The following CADPS variants were observed in gnomAD, a reference collection of about 807,000 sequenced individuals.
CADPS encodes calcium dependent secretion activator, also known as calcium-dependent secretion activator 1.
CADPS carries 57 observed loss-of-function variants against 167.3 expected under a neutral mutation model. That is an observed-to-expected ratio of 0.34 (90% CI 0.28 to 0.42). The LOEUF (loss-of-function observed/expected upper bound fraction) is 0.42. CADPS is among the 20% of genes least tolerant of loss of function. The pLI, the probability that CADPS is intolerant of heterozygous loss-of-function variation, is 1.00. For missense variants in CADPS, 1,414 were observed against 1,738.1 expected (o/e 0.81, Z 3.32); for synonymous variants, 676 against 635.3 (o/e 1.06, Z -0.96).
chr3:62,451,550 G>T (rs960733108), intron 26 of CADPS, among the ~76,000 whole-genome samples: 9 of 151,404 alleles, frequency 5.9e-5, no homozygotes, highest in Non-Finnish European at 1.5e-5. Context: ...GAAGAAGAAA[G>T]AAGTCTGAAC....
At chr3:62,515,984 G>A in intron 16 of CADPS, 75 bp downstream of exon 16, 1 of 1,574,966 alleles carries the variant, frequency 6.3e-7, no homozygotes, top group East Asian at 2.3e-5. Flanking sequence ...AGGTGCCCTT[G>A]AGAAAAGAGA....
intron 13 of CADPS, among the ~76,000 whole-genome samples, chr3:62,529,127 C>T (rs923674979): frequency 7.2e-5 from 11 of 152,172 alleles, no homozygotes; most frequent in African/African-American, 2.2e-4. Context: ...TGCCATTGCA[C>T]TCCAGCATGG....
intron 6 of CADPS, among the ~76,000 whole-genome samples, chr3:62,603,453 A>G (rs1026026111): frequency 1.3e-5 from 2 of 152,224 alleles, no homozygotes; most frequent in African/African-American, 2.4e-5. Flanking sequence ...ACTTTCAATA[A>G]ATGCCTATCG....
chr3:62,807,961 C>G (rs887133481), intron 1 of CADPS, among the ~76,000 whole-genome samples: 7 of 152,122 alleles, frequency 4.6e-5, no homozygotes, highest in African/African-American at 1.7e-4. Flanking sequence ...GCAAACTCCA[C>G]CTCCCGGGTT....
At chr3:62,555,097 A>T (rs546007779) in intron 10 of CADPS, among the ~76,000 whole-genome samples, 1 of 152,282 alleles carries the variant, frequency 6.6e-6, no homozygotes, top group South Asian at 2.1e-4. Context: ...TTCCCATGAC[A>T]ACTGAGAGAA....
At chr3:62,850,962 A>G (rs201553033) in intron 1 of CADPS, among the ~76,000 whole-genome samples, 19,950 of 149,988 alleles carry the variant, frequency 0.13, 1,388 homozygotes, top group Admixed American at 0.15. Context: ...GTGCTCCTGT[A>G]TTGGGTGCAT....
intron 3 of CADPS, among the ~76,000 whole-genome samples, chr3:62,713,950 T>TA (rs2083903623): frequency 6.6e-6 from 1 of 152,152 alleles, no homozygotes; most frequent in Non-Finnish European, 1.5e-5. Flanking sequence ...TGCAGCTTTT[T>TA]AAAAAAATTT....
At chr3:62,479,611 C>T (rs1473799550) in intron 22 of CADPS, among the ~76,000 whole-genome samples, 2 of 152,240 alleles carry the variant, frequency 1.3e-5, no homozygotes, top group East Asian at 1.9e-4. Flanking sequence ...AGGGAGCCTA[C>T]GGCCTGGACC....
chr3:62,402,047 T>C (rs950061078), intron 29 of CADPS, among the ~76,000 whole-genome samples: 2 of 152,158 alleles, frequency 1.3e-5, no homozygotes, highest in African/African-American at 2.4e-5. Flanking sequence ...TCTAAGTGTA[T>C]ACATTCGTTT....
intron 26 of CADPS, among the ~76,000 whole-genome samples, chr3:62,452,421 G>A (rs879361410): frequency 6.6e-6 from 1 of 152,194 alleles, no homozygotes. Context: ...CATAAGGCTA[G>A]TGACTATTTT....
chr3:62,491,632 C>A, intron 20 of CADPS, 152 bp from the exon 21 acceptor site: 5 of 609,396 alleles, frequency 8.2e-6, no homozygotes, highest in Middle Eastern at 4.8e-4. Flanking sequence ...CTAAGGAAGC[C>A]AAAAAGAGAA....
At chr3:62,632,367 G>A (rs1185730732) in intron 6 of CADPS, among the ~76,000 whole-genome samples, 1 of 152,056 alleles carries the variant, frequency 6.6e-6, no homozygotes, top group Non-Finnish European at 1.5e-5. Context: ...TAAAAATGTA[G>A]CCAATAATAA....
intron 1 of CADPS, among the ~76,000 whole-genome samples, chr3:62,790,040 G>A (rs148659026): frequency 5.3e-4 from 81 of 152,034 alleles, no homozygotes; most frequent in Non-Finnish European, 9.9e-4. Flanking sequence ...CTTTTTGGAG[G>A]AAAATTTGCA....
chr3:62,704,480 C>G (rs2081985331), intron 3 of CADPS, among the ~76,000 whole-genome samples: 1 of 152,118 alleles, frequency 6.6e-6, no homozygotes, highest in African/African-American at 2.4e-5. Context: ...CAATGGGGCT[C>G]TATTTACTTC....
intron 1 of CADPS, among the ~76,000 whole-genome samples, chr3:62,774,338 AC>A (rs1317085464): frequency 6.6e-6 from 1 of 152,034 alleles, no homozygotes; most frequent in Non-Finnish European, 1.5e-5. Context: ...AAAAAAAAAA[AC>A]GTACTTTTCC....
At chr3:62,839,718 G>C (rs970581111) in intron 1 of CADPS, among the ~76,000 whole-genome samples, 1 of 152,178 alleles carries the variant, frequency 6.6e-6, no homozygotes, top group African/African-American at 2.4e-5. Context: ...CTGTGAAGTC[G>C]ACAAATAGAG....
chr3:62,838,459 G>A (rs1373627273), intron 1 of CADPS, among the ~76,000 whole-genome samples: 1 of 152,132 alleles, frequency 6.6e-6, no homozygotes, highest in Non-Finnish European at 1.5e-5. Flanking sequence ...AGTTCTCAAA[G>A]GATTCTTACA....
intron 3 of CADPS, among the ~76,000 whole-genome samples, chr3:62,667,037 G>GTTTT (rs35606285): frequency 4.9e-4 from 65 of 133,698 alleles, no homozygotes; most frequent in East Asian, 2.5e-3. Context: ...TTCCAATCTT[G>GTTTT]TTTTTTTTTT....
chr3:62,746,028 G>A (rs756181497), intron 3 of CADPS, among the ~76,000 whole-genome samples: 1 of 152,188 alleles, frequency 6.6e-6, no homozygotes, highest in Non-Finnish European at 1.5e-5. Context: ...AGGCAGAATG[G>A]TAAGGGAGAA....
Sources: allele counts gnomAD v4.1 joint callset (sites outside exome capture counted in the v4.1 genomes callset), GRCh38; gene constraint gnomAD v4.1.1; transcripts MANE v1.5; gene names NCBI Gene and HGNC (gene_info 2026-07-23, HGNC 2026-07-21).